Variants in KLF8 observed in about 807,000 individuals in gnomAD.
KLF8 encodes Krueppel-like factor 8.
Under a neutral mutation model 18.2 loss-of-function variants are expected in KLF8, and 10 were observed. That is an observed-to-expected ratio of 0.55 (90% CI 0.34 to 0.93). The LOEUF is 0.93. KLF8 is among the 40% of genes least tolerant of loss of function. The pLI is 0.02. For missense variants in KLF8, 264 were observed against 277.9 expected, an observed-to-expected ratio of 0.95 and a Z score of 0.36; for synonymous variants, 109 against 97.3, an observed-to-expected ratio of 1.12 and a Z score of -0.71.
the KLF8 span, among the ~76,000 whole-genome samples, chrX:56,178,057 G>A: frequency 1.8e-5 from 2 of 112,054 alleles, no homozygotes; most frequent in Non-Finnish European, 3.8e-5. Context: ...CCCAGATGAG[G>A]TGATGCCTCT....
the KLF8 span, among the ~76,000 whole-genome samples, chrX:56,186,669 A>C: frequency 8.9e-6 from 1 of 111,870 alleles, no homozygotes; most frequent in East Asian, 2.8e-4. Flanking sequence ...AAATTATAAC[A>C]AACTGTCTCT....
intron 2 of KLF8, among the ~76,000 whole-genome samples, chrX:56,259,581 T>C (rs986380022): frequency 9.0e-6 from 1 of 110,624 alleles, no homozygotes; most frequent in African/African-American, 3.3e-5. Flanking sequence ...CCCAACTGTC[T>C]CGAATCTCTA....
At chrX:56,019,137 A>T in the KLF8 span, among the ~76,000 whole-genome samples, 1 of 111,928 alleles carries the variant, frequency 8.9e-6, no homozygotes, top group South Asian at 3.7e-4. Flanking sequence ...GAAAGGAAAG[A>T]ACTCATCAGC....
intron 2 of KLF8, 131 bp downstream of exon 2, chrX:56,250,435 C>T: frequency 2.0e-6 from 1 of 501,824 alleles, no homozygotes; most frequent in Non-Finnish European, 3.4e-6. Context: ...TGAAGGAAGA[C>T]ATATTTCTAG....
chrX:56,075,494 G>T, the KLF8 span, among the ~76,000 whole-genome samples: 1 of 111,755 alleles, frequency 8.9e-6, no homozygotes, highest in Non-Finnish European at 1.9e-5. Context: ...ATCCACTCAA[G>T]AATTTATGCT....
the KLF8 span, among the ~76,000 whole-genome samples, chrX:56,064,047 A>G: frequency 1.9e-5 from 2 of 107,597 alleles, no homozygotes; most frequent in Non-Finnish European, 1.9e-5. Context: ...TAATACATGT[A>G]TGTGTATATA....
chrX:56,109,596 A>G, the KLF8 span, among the ~76,000 whole-genome samples: 41 of 110,773 alleles, frequency 3.7e-4, no homozygotes, highest in Middle Eastern at 4.7e-3. Context: ...ATTGAAGTCA[A>G]CTATTATTGT....
the KLF8 span, among the ~76,000 whole-genome samples, chrX:55,947,340 A>T: frequency 9.1e-6 from 1 of 109,825 alleles, no homozygotes; most frequent in East Asian, 2.9e-4. Context: ...CTTTGTAGGG[A>T]CATGGATGAA....
chrX:56,084,221 A>G, the KLF8 span, among the ~76,000 whole-genome samples: 1 of 110,394 alleles, frequency 9.1e-6, no homozygotes, highest in Non-Finnish European at 1.9e-5. Context: ...CCCACATAAA[A>G]TTTTTTAAAA....
At chrX:56,180,440 G>GT in the KLF8 span, among the ~76,000 whole-genome samples, 1 of 110,055 alleles carries the variant, frequency 9.1e-6, no homozygotes, top group African/African-American at 3.3e-5. Context: ...TTTTTTCAGC[G>GT]TTTTTTTGTG....
At chrX:56,087,381 A>G in the KLF8 span, among the ~76,000 whole-genome samples, 1 of 110,625 alleles carries the variant, frequency 9.0e-6, no homozygotes, top group Non-Finnish European at 1.9e-5. Flanking sequence ...TTTTCTCATA[A>G]TAGTGAGTGA....
the KLF8 span, among the ~76,000 whole-genome samples, chrX:56,171,662 G>A: frequency 1.8e-5 from 2 of 111,423 alleles, no homozygotes; most frequent in South Asian, 7.6e-4. Flanking sequence ...TCAGAATGAT[G>A]GTTTCCAGCT....
At chrX:55,953,554 C>T in the KLF8 span, among the ~76,000 whole-genome samples, 1 of 110,504 alleles carries the variant, frequency 9.0e-6, no homozygotes, top group Non-Finnish European at 1.9e-5. Flanking sequence ...TTAGGGGAAT[C>T]ATGTTTCCCA....
the KLF8 span, among the ~76,000 whole-genome samples, chrX:56,013,850 G>C: frequency 9.0e-6 from 1 of 111,139 alleles, no homozygotes; most frequent in Non-Finnish European, 1.9e-5. Flanking sequence ...CCCAGTCTTG[G>C]GTATGCCTTT....
At chrX:55,980,921 G>A in the KLF8 span, among the ~76,000 whole-genome samples, 2 of 112,550 alleles carry the variant, frequency 1.8e-5, no homozygotes, top group East Asian at 2.8e-4. Context: ...GGCCGGGCCC[G>A]GTGGCCCACG....
chrX:56,072,439 T>C, the KLF8 span, among the ~76,000 whole-genome samples: 1 of 111,872 alleles, frequency 8.9e-6, no homozygotes. Flanking sequence ...ATTTGCAGTC[T>C]TACTAGTATT....
At chrX:56,152,318 G>C in the KLF8 span, among the ~76,000 whole-genome samples, 30 of 110,869 alleles carry the variant, frequency 2.7e-4, no homozygotes, top group African/African-American at 9.2e-4. Context: ...TTGGAAGGTA[G>C]TCATTAGATA....
the KLF8 span, among the ~76,000 whole-genome samples, chrX:56,222,541 A>G: frequency 8.9e-6 from 1 of 112,787 alleles, no homozygotes; most frequent in East Asian, 2.8e-4. Flanking sequence ...AGCTGGCTTC[A>G]CCCAGTGGAT....
At chrX:55,927,769 G>C in the KLF8 span, among the ~76,000 whole-genome samples, 1 of 111,208 alleles carries the variant, frequency 9.0e-6, no homozygotes. Flanking sequence ...TTATCTTATT[G>C]ATTTGGAATT....
Sources: gnomAD v4.1 joint callset for allele counts (sites outside exome capture counted in the v4.1 genomes callset) on GRCh38, gnomAD v4.1.1 for gene constraint, MANE v1.5 for transcripts, NCBI Gene and HGNC (gene_info 2026-07-23, HGNC 2026-07-21) for gene names.